CPA6: variants seen among roughly 807,000 people sequenced by gnomAD.
CPA6 encodes carboxypeptidase A6.
A neutral mutation model predicts 63.3 loss-of-function variants in CPA6; 58 were observed. The ratio of observed to expected loss-of-function variants is 0.92; its 90% CI spans 0.74 to 1.14. The LOEUF is 1.14. CPA6 is among the 50% of genes most tolerant of loss of function. The pLI, the probability that CPA6 is intolerant of heterozygous loss-of-function variation, is 0.00. For missense variants in CPA6, 565 were observed against 526.6 expected (o/e 1.07, Z -0.71); for synonymous variants, 185 against 179.0 (o/e 1.03, Z -0.27).
intron 2 of CPA6, among the ~76,000 whole-genome samples, chr8:67,587,470 T>C (rs1009576166): frequency 2.0e-5 from 3 of 152,176 alleles, no homozygotes; most frequent in Admixed American, 1.3e-4. Flanking sequence ...AATTATTCCA[T>C]ATCAGAGGAA....
At chr8:67,461,614 C>A (rs892727815) in intron 8 of CPA6, among the ~76,000 whole-genome samples, 4 of 152,246 alleles carry the variant, frequency 2.6e-5, no homozygotes, top group Non-Finnish European at 4.4e-5. Context: ...GGCAGAGGGT[C>A]TCCTCACTTC....
At chr8:67,461,839 C>T (rs1464940858) in intron 8 of CPA6, among the ~76,000 whole-genome samples, 2 of 152,198 alleles carry the variant, frequency 1.3e-5, no homozygotes, top group African/African-American at 4.8e-5. Context: ...ACCTCCCTCC[C>T]GGATGGGGCG....
At chr8:67,660,606 TAGGA>T (rs1816087900) in intron 1 of CPA6, among the ~76,000 whole-genome samples, 1 of 147,668 alleles carries the variant, frequency 6.8e-6, no homozygotes, top group Admixed American at 6.9e-5. Flanking sequence ...CCCACAAGGC[TAGGA>T]AGGATTACAG....
chr8:67,625,356 C>T (rs1815172681), intron 1 of CPA6, among the ~76,000 whole-genome samples: 1 of 152,198 alleles, frequency 6.6e-6, no homozygotes, highest in South Asian at 2.1e-4. Context: ...TATTTGAACA[C>T]AATATAAGGT....
rs965236652 is a variant in CPA6, at chr8:67,741,218, A to C, written c.116+4796T>G. On this transcript the variant is annotated intron_variant, in intron 1 of 10. Coordinates refer to ENST00000297770, the MANE Select transcript of CPA6 (RefSeq NM_020361.5). ...TCCATGGAACTTTGCAAGCAGACCCAGTACAAGTAGATTAATACGAGCATA... is the reference window on the plus strand; with the variant it reads ...TCCATGGAACTTTGCAAGCAGACCCCGTACAAGTAGATTAATACGAGCATA... Among the ~76,000 whole-genome samples the C allele has an allele frequency of 2.0e-5, 3 of 152,214 alleles. 1 individual carries two copies. The highest frequency in any genetic ancestry group is 2.0e-4 in the Admixed American group (3 of 15,288).
intron 2 of CPA6, among the ~76,000 whole-genome samples, chr8:67,586,163 A>C (rs1813927484): frequency 6.6e-6 from 1 of 152,122 alleles, no homozygotes; most frequent in Admixed American, 6.5e-5. Context: ...TGTCATGATT[A>C]TTCCTCATAG....
chr8:67,431,757 T>C (rs571913835), intron 9 of CPA6, among the ~76,000 whole-genome samples: 13 of 151,710 alleles, frequency 8.6e-5, no homozygotes, highest in Non-Finnish European at 1.8e-4. Context: ...TAGAATATAA[T>C]TATCACTTTT....
intron 1 of CPA6, among the ~76,000 whole-genome samples, chr8:67,626,717 A>G (rs1815202323): frequency 6.6e-6 from 1 of 152,204 alleles, no homozygotes; most frequent in Non-Finnish European, 1.5e-5. Flanking sequence ...AATTCTTGGC[A>G]GAGAAAGCAA....
At chr8:67,609,882 C>T (rs1814758486) in intron 2 of CPA6, among the ~76,000 whole-genome samples, 1 of 152,144 alleles carries the variant, frequency 6.6e-6, no homozygotes, top group South Asian at 2.1e-4. Context: ...CTTAGCTGGG[C>T]ATGGTGGCTT....
chr8:67,516,532 C>T (rs1037384715), intron 3 of CPA6, among the ~76,000 whole-genome samples: 17 of 152,210 alleles, frequency 1.1e-4, no homozygotes, highest in African/African-American at 4.1e-4. Flanking sequence ...TCATTCTCTG[C>T]TTCGCTAATT....
At chr8:67,591,010 T>C (rs1294380093) in intron 2 of CPA6, among the ~76,000 whole-genome samples, 18 of 152,246 alleles carry the variant, frequency 1.2e-4, no homozygotes, top group African/African-American at 4.1e-4. Flanking sequence ...AGGGTTTTTA[T>C]GGTTTTAGGT....
rs530085111 is a variant in CPA6, at chr8:67,551,680, A to G, written c.193-33633T>C. Among the ~76,000 whole-genome samples, 4 of 152,242 alleles carry G rather than the reference A, an allele frequency of 2.6e-5. No individual in the cohort carries two copies. The South Asian group carries it at 6.2e-4, about 24-fold the overall frequency. On this transcript the variant is annotated intron_variant, in intron 2 of 10. Transcript: ENST00000297770. The stretch of plus-strand genomic sequence containing the variant: ...ATGGAATGTTTTTCCATTTGTTTAT[A>G]TCATCTATGATTTCTTTTCGCAGTG...
chr8:67,608,806 C>T (rs931247143), intron 2 of CPA6, among the ~76,000 whole-genome samples: 4 of 152,172 alleles, frequency 2.6e-5, no homozygotes, highest in African/African-American at 7.2e-5. Context: ...AAATGAGCCA[C>T]CCCCTTTGTG....
At chr8:67,479,958 GC>G (rs1216648073) in intron 8 of CPA6, among the ~76,000 whole-genome samples, 5 of 151,064 alleles carry the variant, frequency 3.3e-5, no homozygotes, top group Admixed American at 3.3e-4. Context: ...AAGCAGAACA[GC>G]CCCCGGCTCC....
intron 1 of CPA6, among the ~76,000 whole-genome samples, chr8:67,726,182 T>A (rs558204298): frequency 6.6e-6 from 1 of 152,252 alleles, no homozygotes; most frequent in South Asian, 2.1e-4. Context: ...GTTTTCAGGT[T>A]GAGGTTACTG....
chr8:67,595,404 T>C (rs1814300456), intron 2 of CPA6, among the ~76,000 whole-genome samples: 6 of 152,222 alleles, frequency 3.9e-5, no homozygotes, highest in Admixed American at 2.6e-4. Flanking sequence ...ACTGCTGCTC[T>C]CCTCAAAGCT....
intron 2 of CPA6, among the ~76,000 whole-genome samples, chr8:67,595,892 G>A (rs1023780255): frequency 3.3e-5 from 5 of 152,158 alleles, no homozygotes; most frequent in Non-Finnish European, 7.3e-5. Context: ...TGCACCCACT[G>A]TCCTGCGCCC....
At chr8:67,460,020 A>T (rs1242323444) in intron 8 of CPA6, among the ~76,000 whole-genome samples, 2 of 152,172 alleles carry the variant, frequency 1.3e-5, no homozygotes, top group African/African-American at 4.8e-5. Flanking sequence ...TTGGGGGGAA[A>T]AAAAGGCACT....
intron 2 of CPA6, among the ~76,000 whole-genome samples, chr8:67,583,138 G>A (rs1329360584): frequency 1.3e-5 from 2 of 148,740 alleles, no homozygotes; most frequent in Admixed American, 6.8e-5. Flanking sequence ...AGTGTAAAGA[G>A]TTGGATGATT....
Sources: gnomAD v4.1 joint callset for allele counts (sites outside exome capture counted in the v4.1 genomes callset) on GRCh38, gnomAD v4.1.1 for gene constraint, MANE v1.5 for transcripts, NCBI Gene and HGNC (gene_info 2026-07-23, HGNC 2026-07-21) for gene names.